Variants in LYN observed in about 807,000 individuals in gnomAD.
LYN encodes LYN proto-oncogene, Src family tyrosine kinase, also known as tyrosine-protein kinase Lyn.
In LYN, 12 loss-of-function variants were observed where a neutral mutation model predicts 65.0. The observed-to-expected ratio is 0.18, with a 90% CI of 0.12 to 0.30. The LOEUF (loss-of-function observed/expected upper bound fraction) is 0.30. LYN is among the 10% of genes least tolerant of loss of function. The pLI, the probability that LYN is intolerant of heterozygous loss-of-function variation, is 1.00. For missense variants in LYN, 380 were observed against 623.2 expected (o/e 0.61, Z 4.16); for synonymous variants, 222 against 221.2 (o/e 1.00, Z -0.03).
chr8:55,982,153 C>T lies in LYN; in HGVS notation c.1050+12360C>T, dbSNP rs532395309. Among the ~76,000 whole-genome samples the T allele has an allele frequency of 1.1e-4, 17 of 152,218 alleles. No individual in the cohort carries two copies. In the South Asian group the frequency reaches 3.5e-3, roughly 32 times the overall value. ...ATTTCCAGCTCTTGTTCATTTTCCA[C>T]CCAGCGCCCCCAGTGTCTGTAACAT... On this transcript the variant is annotated intron_variant, in intron 10 of 12. Coordinates refer to ENST00000519728, the MANE Select transcript of LYN (RefSeq NM_002350.4).
intron 10 of LYN, among the ~76,000 whole-genome samples, chr8:55,994,829 A>G (rs1279778183): frequency 1.3e-5 from 2 of 152,220 alleles, no homozygotes; most frequent in Non-Finnish European, 2.9e-5. Flanking sequence ...GGAGGCTGGG[A>G]CAGAGTCAGC....
At chr8:55,937,812 C>T (rs1002865799) in intron 1 of LYN, among the ~76,000 whole-genome samples, 2 of 152,202 alleles carry the variant, frequency 1.3e-5, no homozygotes, top group Admixed American at 6.5e-5. Context: ...TCTCCTGCCT[C>T]AGGCTCCTGA....
At chr8:55,952,402 A>AT (rs1806976476) in intron 7 of LYN, among the ~76,000 whole-genome samples, 1 of 152,082 alleles carries the variant, frequency 6.6e-6, no homozygotes, top group Non-Finnish European at 1.5e-5. Flanking sequence ...CTACTAGAAA[A>AT]AAAAAAAATT....
Position 55,950,781 on chromosome 8 carries a change from A to G in LYN, c.484A>G (p.Lys162Glu), listed in dbSNP as rs529349503. 6 of 1,602,174 alleles carry G rather than the reference A, an allele frequency of 3.7e-6. No individual in the cohort carries two copies. Residue 162 changes from lysine (K) to glutamate (E), a missense_variant, in exon 6 of 13, where the codon AAA (lysine) becomes GAA (glutamate). Lys to Glu is a moderately conservative substitution (Grantham distance 56). Coordinates refer to ENST00000519728, the MANE Select transcript of LYN (RefSeq NM_002350.4). ...AFLIRESETL[K>E]GSFSLSVRDF... Reference sequence around the variant, plus strand: ...CCTTATTAGAGAAAGTGAAACATTAAAAGGTAGGAAATTGTTCAAAGCCTC... The same window carrying G: ...CCTTATTAGAGAAAGTGAAACATTAGAAGGTAGGAAATTGTTCAAAGCCTC...
intron 10 of LYN, among the ~76,000 whole-genome samples, chr8:55,979,141 G>A (rs1314262918): frequency 6.8e-6 from 1 of 147,554 alleles, no homozygotes; most frequent in Non-Finnish European, 1.5e-5. Flanking sequence ...CGCCTCCCAG[G>A]CTCAAGCAAT....
intron 1 of LYN, among the ~76,000 whole-genome samples, chr8:55,909,920 T>C (rs978384858): frequency 2.0e-5 from 3 of 151,964 alleles, no homozygotes; most frequent in Non-Finnish European, 2.9e-5. Flanking sequence ...TTGTATGTAT[T>C]TTTTTTGAAA....
intron 10 of LYN, among the ~76,000 whole-genome samples, chr8:55,998,032 C>T (rs1388569399): frequency 2.0e-5 from 3 of 151,540 alleles, no homozygotes; most frequent in Non-Finnish European, 4.4e-5. Flanking sequence ...TGCAGTGAGC[C>T]AAGATAGCGC....
chr8:56,002,825 C>G (rs1808557208), intron 12 of LYN, among the ~76,000 whole-genome samples: 1 of 151,892 alleles, frequency 6.6e-6, no homozygotes, highest in Non-Finnish European at 1.5e-5. Context: ...ATTTTTTAGT[C>G]ACGAGAGTTG....
rs112429665 is a variant in LYN, at chr8:55,987,668, G to A, written c.1051-10678G>A. Among the ~76,000 whole-genome samples the A allele has an allele frequency of 2.6e-3, 396 of 152,130 alleles. 1 individual carries two copies. The highest frequency in any genetic ancestry group is 9.3e-3 in the African/African-American group (385 of 41,512). ...TAGCCTCAAGTGATCCACCCACCTC[G>A]TCCTCCCAAAGTGCTGGGATTATAG... On this transcript the variant is annotated intron_variant, in intron 10 of 12. Coordinates refer to ENST00000519728, the MANE Select transcript of LYN (RefSeq NM_002350.4).
chr8:55,984,931 T>TA (rs1217301696), intron 10 of LYN, among the ~76,000 whole-genome samples: 4 of 152,234 alleles, frequency 2.6e-5, no homozygotes, highest in African/African-American at 9.6e-5. Context: ...TGCTTATCAT[T>TA]AAATTCACCT....
intron 8 of LYN, among the ~76,000 whole-genome samples, chr8:55,958,206 C>T (rs1389220324): frequency 6.6e-6 from 1 of 152,142 alleles, no homozygotes; most frequent in Non-Finnish European, 1.5e-5. Context: ...TTGGGAAAAC[C>T]GCCTTGCTTC....
At chr8:55,949,009 C>G (rs1806863153) in intron 4 of LYN, among the ~76,000 whole-genome samples, 1 of 152,164 alleles carries the variant, frequency 6.6e-6, no homozygotes, top group African/African-American at 2.4e-5. Context: ...GGACCCATTC[C>G]TTCCCCCATT....
chr8:55,952,136 C>T (rs1386380650), intron 7 of LYN, 21 bp downstream of exon 7: 1 of 1,562,548 alleles, frequency 6.4e-7, no homozygotes. Context: ...ACTGAAGGTT[C>T]AACAAGACAA....
chr8:55,969,933 C>T (rs2130530625), intron 10 of LYN, 140 bp downstream of exon 10: 2 of 715,142 alleles, frequency 2.8e-6, no homozygotes, highest in Non-Finnish European at 5.0e-6. Context: ...AAAGACCTTC[C>T]ACAATACAAT....
chr8:55,889,771 G>A (rs1235311714), intron 1 of LYN, among the ~76,000 whole-genome samples: 1 of 152,130 alleles, frequency 6.6e-6, no homozygotes, highest in African/African-American at 2.4e-5. Context: ...AGAGCACAGG[G>A]TGTCGAATTA....
At chr8:55,988,616 G>A (rs974037630) in intron 10 of LYN, among the ~76,000 whole-genome samples, 1 of 152,044 alleles carries the variant, frequency 6.6e-6, no homozygotes, top group Admixed American at 6.6e-5. Flanking sequence ...AAAGCACCAG[G>A]AAAATCAGAT....
intron 1 of LYN, among the ~76,000 whole-genome samples, chr8:55,936,167 C>A (rs1003273229): frequency 6.6e-6 from 1 of 152,148 alleles, no homozygotes; most frequent in Non-Finnish European, 1.5e-5. Context: ...ATGCTTGAAC[C>A]AGTCTTGGAC....
chr8:56,009,885 C>A (rs763294733), intron 12 of LYN, 23 bp from the exon 13 acceptor site: 1 of 1,608,006 alleles, frequency 6.2e-7, no homozygotes, highest in Non-Finnish European at 8.5e-7. Context: ...GGTTTCTGTT[C>A]TTTTTGTTTT....
At chr8:55,989,232 C>T (rs1321769721) in intron 10 of LYN, among the ~76,000 whole-genome samples, 6 of 152,118 alleles carry the variant, frequency 3.9e-5, no homozygotes, top group Admixed American at 2.0e-4. Flanking sequence ...TTGAGAAAAG[C>T]GGGAAAGATG....
Sources: gnomAD v4.1 joint callset for allele counts (sites outside exome capture counted in the v4.1 genomes callset) on GRCh38, gnomAD v4.1.1 for gene constraint, MANE v1.5 for transcripts, NCBI Gene and HGNC (gene_info 2026-07-23, HGNC 2026-07-21) for gene names.